Variants in PDGFRB observed in about 807,000 individuals in gnomAD.
PDGFRB encodes platelet derived growth factor receptor beta.
A neutral mutation model predicts 120.2 loss-of-function variants in PDGFRB; 42 were observed. That is an observed-to-expected ratio of 0.35 (90% CI 0.27 to 0.45). The LOEUF is 0.45. PDGFRB is among the 20% of genes least tolerant of loss of function. PDGFRB has a pLI of 1.00. For synonymous variants in PDGFRB, 586 were observed against 606.8 expected (o/e 0.97, Z 0.50); for missense variants, 1,149 against 1,476.3 (o/e 0.78, Z 3.63).
At chr5:150,139,673 C>G (rs1760727913) in intron 1 of PDGFRB, among the ~76,000 whole-genome samples, 1 of 147,584 alleles carries the variant, frequency 6.8e-6, no homozygotes, top group African/African-American at 2.6e-5. Context: ...TCAGTTTCCC[C>G]ATCTATACAA....
intron 3 of PDGFRB, 46 bp from the exon 4 acceptor site, chr5:150,135,062 G>T: frequency 9.7e-7 from 1 of 1,031,376 alleles, no homozygotes; most frequent in South Asian, 1.5e-5. Context: ...CTGGGTTTCT[G>T]GCCATCCCCT....
In PDGFRB at chr5:150,123,211, G is replaced by T; in HGVS notation, c.2024-10C>A. 6.2e-7 allele frequency: 1 copy of T among 1,610,720 alleles called. No individual in the cohort carries two copies. The highest frequency in any genetic ancestry group is 1.1e-5 in the South Asian group (1 of 91,038). ...ATGATATAGATGGGTCCTGCAGAGG[G>T]ACAGGCTCAGGGACAGTCCCTATGG... On this transcript the variant is annotated splice_polypyrimidine_tract_variant and intron_variant, in intron 14 of 22. Coordinates refer to ENST00000261799, the MANE Select transcript of PDGFRB (RefSeq NM_002609.4).
At chr5:150,144,526 G>A (rs1760866834) in intron 1 of PDGFRB, among the ~76,000 whole-genome samples, 1 of 152,196 alleles carries the variant, frequency 6.6e-6, no homozygotes, top group Non-Finnish European at 1.5e-5. Flanking sequence ...CATCTGTCTG[G>A]AATGGGGCCA....
intron 15 of PDGFRB, chr5:150,122,305 C>A: frequency 2.3e-6 from 1 of 440,698 alleles, no homozygotes. Context: ...GGTCACAAGA[C>A]GGGTGTGTTC....
chr5:150,139,387 A>C (rs1054983533), intron 1 of PDGFRB, among the ~76,000 whole-genome samples: 1 of 152,096 alleles, frequency 6.6e-6, no homozygotes, highest in Non-Finnish European at 1.5e-5. Flanking sequence ...CTGCGTCCCC[A>C]TCCATATAGA....
chr5:150,155,366 G>A, intron 1 of PDGFRB, 31 bp downstream of exon 1: 1 of 389,268 alleles, frequency 2.6e-6, no homozygotes, highest in Non-Finnish European at 4.5e-6. Context: ...CAGGGCATGG[G>A]GCTGGGGTTC....
At chr5:150,133,832 T>G (rs754255170) in intron 5 of PDGFRB, 49 bp downstream of exon 5, 27 of 1,612,244 alleles carry the variant, frequency 1.7e-5, no homozygotes, top group Non-Finnish European at 2.1e-5. Context: ...AAGCCAGATA[T>G]CCACCCGTTC....
At chr5:150,124,963 T>G in intron 12 of PDGFRB, 132 bp from the exon 13 acceptor site, 1 of 558,996 alleles carries the variant, frequency 1.8e-6, no homozygotes, top group Non-Finnish European at 3.1e-6. Context: ...AAAGAGCCAC[T>G]CTCTTAGGTC....
rs138830253 is a variant in PDGFRB at position 150,134,962 on chromosome 5, G to A, written c.419C>T (p.Thr140Met). 2.2e-5 allele frequency: 36 copies of A among 1,613,208 alleles called. No homozygotes were observed. Among genetic ancestry groups the A allele is most frequent in the Middle Eastern group, 1.7e-4 (1 of 5,918 alleles). The change falls in exon 4 of 23, where the codon ACG (threonine) becomes ATG (methionine). Residue 140 changes from threonine to methionine, a missense_variant. Thr to Met is a moderately conservative substitution (Grantham distance 81). Coordinates refer to ENST00000261799, the MANE Select transcript of PDGFRB (RefSeq NM_002609.4). ...TGGAATGGTGATCTCAGTTATTTCC[G>A]TGAGAAAGATGAATAGTTCCTCGGC... Reference protein sequence around the residue: ...NDAEELFIFLTEITEITIPCR... With the variant: ...NDAEELFIFLMEITEITIPCR...
At chr5:150,151,170 C>T (rs1478929265) in intron 1 of PDGFRB, among the ~76,000 whole-genome samples, 1 of 152,178 alleles carries the variant, frequency 6.6e-6, no homozygotes, top group African/African-American at 2.4e-5. Context: ...TATGCATGAT[C>T]CCTGAGTACA....
intron 1 of PDGFRB, among the ~76,000 whole-genome samples, chr5:150,138,289 C>CCTACCTCCCCG (rs1760693433): frequency 6.6e-6 from 1 of 152,162 alleles, no homozygotes; most frequent in Non-Finnish European, 1.5e-5. Flanking sequence ...CCAGCTTGCC[C>CCTACCTCCCCG]CTACCTCCCC....
At position 150,120,858 on chromosome 5, in the gene PDGFRB, T is replaced by C. The variant is rs1161757124; in HGVS notation, c.2586+30A>G. On this transcript the variant is annotated intron_variant, in intron 18 of 22. Coordinates refer to ENST00000261799, the MANE Select transcript of PDGFRB (RefSeq NM_002609.4). This position sits in a 1 kb window ranked among gnomAD's most constrained non-coding sequence, Gnocchi z 4.3. ...TTCCTGCGGTCACAGGCACTGTGACTGCCCTGCAGGGGCCAGGGAAGGTAC... is the reference window on the plus strand; with the variant it reads ...TTCCTGCGGTCACAGGCACTGTGACCGCCCTGCAGGGGCCAGGGAAGGTAC... 6.2e-7 allele frequency: 1 copy of C among 1,610,200 alleles called. No individual in the cohort carries two copies. The highest frequency in any genetic ancestry group is 1.7e-5 in the Admixed American group (1 of 59,988).
chr5:150,121,286 T>G lies in PDGFRB; in HGVS notation c.2381A>C (p.Glu794Ala). 1.2e-6 allele frequency: 2 copies of G among 1,605,276 alleles called. No individual in the cohort carries two copies. Among genetic ancestry groups the G allele is most frequent in the Non-Finnish European group, 1.7e-6 (2 of 1,171,954 alleles). The change falls in exon 17 of 23, where the codon GAG becomes GCG. Residue 794 changes from glutamate to alanine, a missense_variant. This residue lies in a region of PDGFRB where 879 missense variants were observed against 1,108.6 expected (regional missense o/e 0.79). Coordinates refer to ENST00000261799, the MANE Select transcript of PDGFRB (RefSeq NM_002609.4). The surrounding 1 kb of genome is among the most constrained non-coding windows in gnomAD (Gnocchi z 4.1). ...ERTCRATLIN[E>A]SPVLSYMDLV... Reference sequence around the variant, plus strand: ...GTCCATGTAGCTTAGCACTGGAGACTCGTTGATCAAAGTTGCTCGGCAGGT... The same window carrying G: ...GTCCATGTAGCTTAGCACTGGAGACGCGTTGATCAAAGTTGCTCGGCAGGT...
chr5:150,122,859 G>C (rs981229377), intron 15 of PDGFRB, among the ~76,000 whole-genome samples, 183 bp downstream of exon 15: 3 of 152,232 alleles, frequency 2.0e-5, no homozygotes, highest in African/African-American at 7.2e-5. Flanking sequence ...GCAGCACAGG[G>C]CCTGGCATTA....
intron 19 of PDGFRB, 57 bp from the exon 20 acceptor site, chr5:150,119,623 C>A (rs750202674): frequency 2.9e-6 from 3 of 1,028,826 alleles, no homozygotes; most frequent in Non-Finnish European, 4.6e-6. Context: ...AGTGGCAGGG[C>A]ACCCTCTTCT....
chr5:150,126,372 A>G (rs1580801530), intron 11 of PDGFRB, 148 bp downstream of exon 11: 1 of 652,230 alleles, frequency 1.5e-6, no homozygotes, highest in East Asian at 2.7e-5. Context: ...GGAAGCTGAG[A>G]CAGCCAGCGT....
chr5:150,126,618 G>A lies in PDGFRB; in HGVS notation c.1580-4C>T. 2 of 1,575,130 alleles carry A rather than the reference G, an allele frequency of 1.3e-6. No individual in the cohort carries two copies. Among genetic ancestry groups the A allele is most frequent in the Non-Finnish European group, 1.7e-6 (2 of 1,144,774 alleles). ...ACCACCACCTTAAAGGGCAAGGCTG[G>A]AGGCAGAGATGAGAGCAGGCCATGA... On this transcript the variant is annotated splice_polypyrimidine_tract_variant and splice_region_variant and intron_variant, in intron 10 of 22. Transcript: ENST00000261799.
At chr5:150,145,063 T>C (rs939212366) in intron 1 of PDGFRB, among the ~76,000 whole-genome samples, 1 of 152,140 alleles carries the variant, frequency 6.6e-6, no homozygotes, top group Non-Finnish European at 1.5e-5. Context: ...ACCCTTCCAC[T>C]CCTCCACCTC....
intron 1 of PDGFRB, 100 bp downstream of exon 1, chr5:150,155,297 C>CTTT (rs35505256): frequency 0.12 from 13,870 of 119,804 alleles, 1,231 homozygotes; most frequent in Non-Finnish European, 0.15. Context: ...AATATCTTCC[C>CTTT]TTTTTTTTTT....
Sources: allele counts gnomAD v4.1 joint callset (sites outside exome capture counted in the v4.1 genomes callset), GRCh38; gene constraint gnomAD v4.1.1; regional missense constraint gnomAD v4.1.1; non-coding constraint Gnocchi (gnomAD v3.1); transcripts MANE v1.5; gene names NCBI Gene and HGNC (gene_info 2026-07-23, HGNC 2026-07-21).